Variants in DNAAF4 observed in about 807,000 individuals in gnomAD.
DNAAF4 encodes the protein dynein axonemal assembly factor 4.
A neutral mutation model predicts 51.8 loss-of-function variants in DNAAF4; 43 were observed. The ratio of observed to expected loss-of-function variants is 0.83; its 90% CI spans 0.65 to 1.07. The LOEUF (loss-of-function observed/expected upper bound fraction) is 1.07. DNAAF4 is among the 50% of genes least tolerant of loss of function. The pLI is 0.00. For synonymous variants in DNAAF4, 194 were observed against 165.6 expected, an observed-to-expected ratio of 1.17 and a Z score of -1.32; for missense variants, 581 against 493.0, an observed-to-expected ratio of 1.18 and a Z score of -1.69.
chr15:55,502,937 A>C (rs1267509078), intron 1 of DNAAF4, among the ~76,000 whole-genome samples: 2 of 152,204 alleles, frequency 1.3e-5, no homozygotes, highest in Non-Finnish European at 2.9e-5. Context: ...AAAGAACTGA[A>C]GGAGATAGAG....
At chr15:55,497,571 G>A (rs951956730) in intron 3 of DNAAF4, 141 bp downstream of exon 3, 4 of 946,774 alleles carry the variant, frequency 4.2e-6, no homozygotes, top group East Asian at 5.5e-5. Context: ...CTGCACTCCA[G>A]CCTGGGCGAC....
rs187579102 is a variant in DNAAF4 at position 55,449,855 on chromosome 15, C to A, written c.783+367G>T. Among the ~76,000 whole-genome samples the A allele has an allele frequency of 9.2e-5, 14 of 151,784 alleles. No homozygotes were observed. In the East Asian group the frequency reaches 2.2e-3, roughly 24 times the overall value. The stretch of plus-strand genomic sequence containing the variant: ...CTGCGATCACAGGTGCTCGCCACCA[C>A]GCCAGGCTAATTTTTGTATTTTTAG... On this transcript the variant is annotated intron_variant, in intron 6 of 9. Coordinates refer to ENST00000321149, the MANE Select transcript of DNAAF4 (RefSeq NM_130810.4).
At position 55,435,483 on chromosome 15, in the gene DNAAF4, C is replaced by T. The variant is rs114880174; in HGVS notation, c.894-425G>A. On this transcript the variant is annotated intron_variant, in intron 7 of 9. Coordinates refer to ENST00000321149, the MANE Select transcript of DNAAF4 (RefSeq NM_130810.4). ...CATTGTTGCTGACCGTTTTTAAGAC[C>T]GTGGGAAGAGCTGGCATTAGAATAA... 4.2e-3 allele frequency among the ~76,000 whole-genome samples: 640 copies of T among 152,056 alleles called. 5 individuals are homozygous for T. The highest frequency in any genetic ancestry group is 0.013 in the African/African-American group (557 of 41,464).
Position 55,434,604 on chromosome 15 carries a change from G to A in DNAAF4, c.1047+301C>T, listed in dbSNP as rs1447459881. On this transcript the variant is annotated intron_variant, in intron 8 of 9. Transcript: ENST00000321149. Reference sequence around the variant, plus strand: ...TCCCAGCTCTCAGGGAGGCAGAGGCGGGAGGATAGCTTGAGCCCAGGAGTT... The same window carrying A: ...TCCCAGCTCTCAGGGAGGCAGAGGCAGGAGGATAGCTTGAGCCCAGGAGTT... 3.9e-5 allele frequency among the ~76,000 whole-genome samples: 6 copies of A among 152,036 alleles called. No homozygotes were observed. In the East Asian group the frequency reaches 5.8e-4, roughly 15 times the overall value.
chr15:55,506,575 G>A (rs1027500449), intron 1 of DNAAF4, among the ~76,000 whole-genome samples: 1 of 152,014 alleles, frequency 6.6e-6, no homozygotes, highest in Non-Finnish European at 1.5e-5. Context: ...GGGGTGGGTG[G>A]GAATAGCAAA....
At chr15:55,427,229 C>G (rs1035020851), downstream of DNAAF4, among the ~76,000 whole-genome samples, 1 of 152,058 alleles carries the variant, frequency 6.6e-6, no homozygotes, top group African/African-American at 2.4e-5. Context: ...CCACACCCGG[C>G]TGATTTTTTT....
chr15:55,498,112 G>A (rs3743204), intron 2 of DNAAF4, 95 bp downstream of exon 2: 9 of 1,582,312 alleles, frequency 5.7e-6, no homozygotes, highest in Non-Finnish European at 4.3e-6. Context: ...GACGTTTATC[G>A]GCAAAGATGA....
rs1256042420 is a variant in DNAAF4, at chr15:55,443,259, C to T, written c.784-3678G>A. 1.3e-5 allele frequency: 20 copies of T among 1,593,592 alleles called. No individual in the cohort carries two copies. In the Middle Eastern group the frequency reaches 8.3e-4, roughly 66 times the overall value. The stretch of plus-strand genomic sequence containing the variant: ...CTTCCTCAGAAGAAAATGACCTCAG[C>T]GCGGGTTGCGGCTCACTACCCGGCA... On this transcript the variant is annotated intron_variant, in intron 6 of 9. Transcript: ENST00000321149.
At position 55,498,285 on chromosome 15, in the gene DNAAF4, A is replaced by G. The variant is rs373152841; in HGVS notation, c.45T>C (p.Thr15=). 4.3e-6 allele frequency: 7 copies of G among 1,613,314 alleles called. No individual in the cohort carries two copies. In the African/African-American group the frequency reaches 9.3e-5, roughly 22 times the overall value. Residue 15 remains threonine (T), a synonymous_variant, in exon 2 of 10, where the codon ACT becomes ACC. Transcript: ENST00000321149. ...VSDYSWQQTK[T]AVFLSLPLKG... is the part of the protein sequence containing the mutation. ...TGAGGGGCAGAGACAGAAAGACCGC[A>G]GTCTTCGTCTGCTGCCAGCTGTAAT...
intron 4 of DNAAF4, among the ~76,000 whole-genome samples, chr15:55,475,007 A>G (rs1349913376): frequency 6.6e-6 from 1 of 152,130 alleles, no homozygotes; most frequent in Non-Finnish European, 1.5e-5. Context: ...CAAAAAATAT[A>G]TAAGCAAGTC....
At chr15:55,430,852 G>T in intron 9 of DNAAF4, 73 bp from the exon 10 acceptor site, 1 of 1,220,668 alleles carries the variant, frequency 8.2e-7, no homozygotes, top group Non-Finnish European at 1.2e-6. Context: ...GACAATAGTT[G>T]TTTAAAATAA....
At chr15:55,459,692 TTC>T (rs745763791) in intron 5 of DNAAF4, among the ~76,000 whole-genome samples, 22 of 140,568 alleles carry the variant, frequency 1.6e-4, no homozygotes, top group Non-Finnish European at 2.7e-4. Flanking sequence ...CTATTCTTTT[TTC>T]TTTCTTTCTT....
At position 55,430,509 on chromosome 15, in the gene DNAAF4, G is replaced by C; in HGVS notation, c.*161C>G. On this transcript the variant is annotated 3_prime_UTR_variant, in exon 10 of 10. Coordinates refer to ENST00000321149, the MANE Select transcript of DNAAF4 (RefSeq NM_130810.4). ...ATTTACTTATTCAGAAATGATTCAAGTCAAACAGTTTATTTTCTATAGATT... is the reference window on the plus strand; with the variant it reads ...ATTTACTTATTCAGAAATGATTCAACTCAAACAGTTTATTTTCTATAGATT... 8.2e-7 allele frequency: 1 copy of C among 1,217,680 alleles called. No individual in the cohort carries two copies. Among genetic ancestry groups the C allele is most frequent in the Non-Finnish European group, 1.0e-6 (1 of 965,992 alleles). The allele number at this position is 1,217,680 out of a possible 1,614,324, so 75.4% of individuals were successfully genotyped here.
Position 55,418,056 on chromosome 15 carries a change from G to C in DNAAF4, c.1125C>G (p.His375Gln), listed in dbSNP as rs753094976. ...TGCTTCAGGCCATCTGGATGTATAC[G>C]TGCAGGTCACTAGGGATATGATGGC... Residue 375 changes from histidine to glutamine, a missense_variant, in exon 8 of 8, where the codon CAC becomes CAG. His to Gln is a conservative substitution (Grantham distance 24, BLOSUM62 0). Coordinates refer to the DNAAF4 transcript ENST00000448430. 14 of 1,410,082 alleles carry C rather than the reference G, an allele frequency of 9.9e-6. No individual in the cohort carries two copies. Among genetic ancestry groups the C allele is most frequent in the East Asian group, 2.3e-5 (1 of 43,426 alleles). The allele number at this position is 1,410,082 out of a possible 1,614,324, so 87.3% of individuals were successfully genotyped here.
chr15:55,498,896 A>AAG (rs2058675519), intron 1 of DNAAF4, among the ~76,000 whole-genome samples: 1 of 147,776 alleles, frequency 6.8e-6, no homozygotes, highest in African/African-American at 2.5e-5. Context: ...GGGAAACAAG[A>AAG]GCGAAACTCC....
Position 55,491,700 on chromosome 15 carries a change from T to A in DNAAF4, c.272-444A>T, listed in dbSNP as rs535438109. ...AATATTATATTATTATATAATAATA[T>A]TATATACTATTATTATATAATAGTA... On this transcript the variant is annotated intron_variant, in intron 3 of 9. Coordinates refer to ENST00000321149, the MANE Select transcript of DNAAF4 (RefSeq NM_130810.4). 1.2e-3 allele frequency among the ~76,000 whole-genome samples: 171 copies of A among 140,888 alleles called. 1 individual carries two copies. The highest frequency in any genetic ancestry group is 4.3e-3 in the African/African-American group (165 of 38,146). The allele number at this position is 140,888 out of a possible 152,430, so 92.4% of individuals were successfully genotyped here.
rs150003511 is a variant in DNAAF4 at position 55,465,786 on chromosome 15, G to A, written c.637+1144C>T. ...TCTCCATATTGGTCAGACTGGTCTC[G>A]AACTCCCAACCTCAGATGATCTGCC... On this transcript the variant is annotated intron_variant, in intron 5 of 9. Coordinates refer to ENST00000321149, the MANE Select transcript of DNAAF4 (RefSeq NM_130810.4). Among the ~76,000 whole-genome samples the A allele has an allele frequency of 1.0e-3, 156 of 152,044 alleles. 1 individual carries two copies. The highest frequency in any genetic ancestry group is 3.6e-3 in the African/African-American group (149 of 41,478).
Position 55,498,505 on chromosome 15 carries a change from G to A in DNAAF4, c.-176C>T, listed in dbSNP as rs142510064. The A allele has an allele frequency of 3.9e-6, 3 of 777,774 alleles. No individual in the cohort carries two copies. Among genetic ancestry groups the A allele is most frequent in the Non-Finnish European group, 5.7e-6 (3 of 530,930 alleles). 48.2% of individuals were successfully genotyped at this position (777,774 alleles called of 1,614,324 possible). The stretch of plus-strand genomic sequence containing the variant: ...GGACTCCATGCGTGACTATCCAGGC[G>A]CCCAGACCAGAGAGTGATGCCGATT... On this transcript the variant is annotated 5_prime_UTR_variant, in exon 2 of 10. Coordinates refer to ENST00000321149, the MANE Select transcript of DNAAF4 (RefSeq NM_130810.4).
intron 3 of DNAAF4, among the ~76,000 whole-genome samples, chr15:55,494,036 T>G (rs1353691301): frequency 6.6e-6 from 1 of 151,820 alleles, no homozygotes; most frequent in Admixed American, 6.6e-5. Flanking sequence ...TTCTTGTTTT[T>G]TTTTTTTTTT....
Sources: allele counts gnomAD v4.1 joint callset (sites outside exome capture counted in the v4.1 genomes callset), GRCh38; gene constraint gnomAD v4.1.1; transcripts MANE v1.5; gene names NCBI Gene and HGNC (gene_info 2026-07-23, HGNC 2026-07-21).